CCDC148: variants seen among roughly 807,000 people sequenced by gnomAD.
The protein encoded by CCDC148 is coiled-coil domain containing 148, also known as coiled-coil domain-containing protein 148.
Under a neutral mutation model 85.7 loss-of-function variants are expected in CCDC148, and 89 were observed. That is an observed-to-expected ratio of 1.04 (90% confidence interval 0.87 to 1.24). CCDC148 has a LOEUF of 1.24. Among genes scored for constraint, CCDC148 ranks in the 50% most tolerant of loss-of-function variants. The pLI is 0.00. For synonymous variants in CCDC148, 230 were observed against 213.9 expected (o/e 1.08, Z -0.66); for missense variants, 692 against 671.7 (o/e 1.03, Z -0.33).
chr2:158,363,927 CCCAAA>C (rs1366101820), intron 1 of CCDC148, among the ~76,000 whole-genome samples: 1 of 152,120 alleles, frequency 6.6e-6, no homozygotes, highest in Non-Finnish European at 1.5e-5. Context: ...ATCGTCTCAG[CCCAAA>C]ATGTCTTCAA....
chr2:158,364,464 T>C (rs1424079060), intron 1 of CCDC148, among the ~76,000 whole-genome samples: 1 of 152,058 alleles, frequency 6.6e-6, no homozygotes, highest in African/African-American at 2.4e-5. Flanking sequence ...AAAACAGATA[T>C]ACAGACAAAC....
rs372841002 is a variant in CCDC148, at chr2:158,357,821, C to T, written c.147+628G>A. Among the ~76,000 whole-genome samples, 23 of 152,224 alleles carry T rather than the reference C, an allele frequency of 1.5e-4. 2 individuals carry two copies. The highest frequency in any genetic ancestry group is 7.7e-4 in the East Asian group (4 of 5,192). Reference sequence around the variant, plus strand: ...TTAAATACAAATAACTTGTAAATTACGTAACAAGTTGCTTCACCTAACCTG... The same window carrying T: ...TTAAATACAAATAACTTGTAAATTATGTAACAAGTTGCTTCACCTAACCTG... On this transcript the variant is annotated intron_variant, in intron 2 of 13. Coordinates refer to ENST00000283233, the MANE Select transcript of CCDC148 (RefSeq NM_138803.4).
At chr2:158,183,320 G>C (rs1433799776) in intron 11 of CCDC148, among the ~76,000 whole-genome samples, 1 of 152,120 alleles carries the variant, frequency 6.6e-6, no homozygotes, top group Admixed American at 6.6e-5. Context: ...TTTAATGTGT[G>C]CACAGCACTC....
At chr2:158,406,596 T>A (rs1376700117) in intron 1 of CCDC148, among the ~76,000 whole-genome samples, 1 of 151,032 alleles carries the variant, frequency 6.6e-6, no homozygotes, top group Admixed American at 6.6e-5. Flanking sequence ...TTACAGCCAG[T>A]TAAACAGATT....
At chr2:158,327,561 A>C (rs1321951000) in intron 7 of CCDC148, among the ~76,000 whole-genome samples, 1 of 152,284 alleles carries the variant, frequency 6.6e-6, no homozygotes, top group East Asian at 1.9e-4. Flanking sequence ...GTCTGAGCCC[A>C]AATCACATCC....
At chr2:158,370,359 A>T (rs114215030) in intron 1 of CCDC148, among the ~76,000 whole-genome samples, 8,500 of 152,176 alleles carry the variant, frequency 0.056, 512 homozygotes, top group African/African-American at 0.15. Flanking sequence ...AATTATTGTA[A>T]AAAATTAATT....
At chr2:158,416,616 A>C (rs1046449227) in intron 1 of CCDC148, among the ~76,000 whole-genome samples, 7 of 152,210 alleles carry the variant, frequency 4.6e-5, no homozygotes, top group Admixed American at 4.6e-4. Flanking sequence ...ACCTGAGACC[A>C]CATCAGCCTC....
At chr2:158,343,546 C>A (rs546723074) in intron 3 of CCDC148, among the ~76,000 whole-genome samples, 7 of 152,256 alleles carry the variant, frequency 4.6e-5, no homozygotes, top group African/African-American at 1.4e-4. Flanking sequence ...TATTAAATTA[C>A]CTAACAAATG....
chr2:158,350,412 T>C (rs534475853), intron 2 of CCDC148, among the ~76,000 whole-genome samples: 1 of 152,300 alleles, frequency 6.6e-6, no homozygotes, highest in East Asian at 1.9e-4. Flanking sequence ...TGAATATTTA[T>C]TTATCTATTC....
At chr2:158,358,024 T>C (rs978988126) in intron 2 of CCDC148, among the ~76,000 whole-genome samples, 1 of 152,166 alleles carries the variant, frequency 6.6e-6, no homozygotes, top group South Asian at 2.1e-4. Context: ...GCTTGGAACA[T>C]ATATTTAAGC....
chr2:158,220,762 A>T (rs779267647), intron 10 of CCDC148, 49 bp from the exon 11 acceptor site: 1 of 1,381,370 alleles, frequency 7.2e-7, no homozygotes, highest in Non-Finnish European at 9.9e-7. Context: ...AGATATGTAA[A>T]AATGAGGGAA....
chr2:158,353,339 G>A (rs999951065), intron 2 of CCDC148, among the ~76,000 whole-genome samples: 8 of 148,204 alleles, frequency 5.4e-5, no homozygotes, highest in East Asian at 2.0e-4. Context: ...CCCATCTCAC[G>A]TGCAGACACA....
intron 9 of CCDC148, among the ~76,000 whole-genome samples, chr2:158,285,052 C>A (rs1312629523): frequency 6.6e-6 from 1 of 152,046 alleles, no homozygotes; most frequent in Admixed American, 6.6e-5. Flanking sequence ...CTTTGGGAGG[C>A]CAAGGTGGGT....
rs1320702838 is a variant in CCDC148, at chr2:158,225,607, G to C, written c.1252-4894C>G. ...GAATAGAAATTATAACAAACTGTCT[G>C]TCAGACCACAGTGCAATCAAACTAG... On this transcript the variant is annotated intron_variant, in intron 10 of 13. Transcript: ENST00000283233. Among the ~76,000 whole-genome samples, 8 of 152,118 alleles carry C rather than the reference G, an allele frequency of 5.3e-5. 1 individual carries two copies. Among genetic ancestry groups the C allele is most frequent in the African/African-American group, 9.7e-5 (4 of 41,432 alleles).
At chr2:158,266,600 T>C (rs889935175) in intron 9 of CCDC148, among the ~76,000 whole-genome samples, 4 of 152,110 alleles carry the variant, frequency 2.6e-5, no homozygotes, top group Non-Finnish European at 4.4e-5. Flanking sequence ...ACCCAATTTG[T>C]AGTCCTTTAT....
intron 1 of CCDC148, among the ~76,000 whole-genome samples, chr2:158,414,381 T>A (rs1460547294): frequency 6.6e-6 from 1 of 152,206 alleles, no homozygotes; most frequent in Non-Finnish European, 1.5e-5. Flanking sequence ...TAGGATCAGA[T>A]AGGATCAGAG....
intron 8 of CCDC148, among the ~76,000 whole-genome samples, chr2:158,311,166 C>G (rs1027006120): frequency 6.6e-6 from 1 of 152,222 alleles, no homozygotes; most frequent in African/African-American, 2.4e-5. Flanking sequence ...CGCCACTGCA[C>G]TCCAGCCTGG....
intron 4 of CCDC148, 26 bp from the exon 5 acceptor site, chr2:158,340,419 AG>A (rs761309036): frequency 3.7e-5 from 59 of 1,609,226 alleles, no homozygotes; most frequent in Non-Finnish European, 4.7e-5. Context: ...ATTGAATTAA[AG>A]GAACACATTA....
At chr2:158,314,095 G>C (rs1344969138) in intron 7 of CCDC148, among the ~76,000 whole-genome samples, 1 of 152,080 alleles carries the variant, frequency 6.6e-6, no homozygotes, top group East Asian at 1.9e-4. Context: ...TTCTTTATTT[G>C]GTCTTGCCAT....
Sources: allele counts gnomAD v4.1 joint callset (sites outside exome capture counted in the v4.1 genomes callset), GRCh38; gene constraint gnomAD v4.1.1; transcripts MANE v1.5; gene names NCBI Gene and HGNC (gene_info 2026-07-23, HGNC 2026-07-21).